The following IL1R1 variants were observed in gnomAD, a reference collection of about 807,000 sequenced individuals.
The protein encoded by IL1R1 is interleukin-1 receptor type 1.
IL1R1 carries 22 observed loss-of-function variants against 50.2 expected under a neutral mutation model. The observed-to-expected ratio is 0.44, with a 90% confidence interval of 0.31 to 0.63. The LOEUF is 0.63. Among genes scored for constraint, IL1R1 ranks in the 20% least tolerant of loss-of-function variants. The pLI, the probability that IL1R1 is intolerant of heterozygous loss-of-function variation, is 0.07. For synonymous variants in IL1R1, 251 were observed against 236.7 expected, an observed-to-expected ratio of 1.06 and a Z score of -0.55; for missense variants, 509 against 676.2, an observed-to-expected ratio of 0.75 and a Z score of 2.74.
chr2:102,085,657 T>A (rs1189059107), intron 1 of IL1R1, among the ~76,000 whole-genome samples: 1 of 152,016 alleles, frequency 6.6e-6, no homozygotes, highest in Admixed American at 6.6e-5. Flanking sequence ...GGTAAGTCTT[T>A]ACTATTCCTC....
chr2:102,157,853 C>G, intron 3 of IL1R1, 68 bp downstream of exon 3: 2 of 1,016,494 alleles, frequency 2.0e-6, no homozygotes, highest in South Asian at 1.3e-5. Flanking sequence ...CATGAAGTAC[C>G]TTCCCTAACA....
At chr2:102,105,690 C>A (rs1424778211) in intron 1 of IL1R1, among the ~76,000 whole-genome samples, 1 of 152,118 alleles carries the variant, frequency 6.6e-6, no homozygotes, top group Non-Finnish European at 1.5e-5. Flanking sequence ...TTAATGGCAG[C>A]CTCTATTGGT....
intron 1 of IL1R1, among the ~76,000 whole-genome samples, chr2:102,076,441 G>A (rs1678962725): frequency 6.6e-6 from 1 of 151,914 alleles, no homozygotes; most frequent in African/African-American, 2.4e-5. Context: ...GTTTCCATTT[G>A]GTATAATTTT....
At chr2:102,128,932 T>C (rs534864520) in intron 1 of IL1R1, among the ~76,000 whole-genome samples, 27 of 152,314 alleles carry the variant, frequency 1.8e-4, no homozygotes, top group African/African-American at 6.5e-4. Flanking sequence ...GCCAGTGTGG[T>C]GGCTCACTCC....
chr2:102,115,386 T>C (rs1681011505), intron 1 of IL1R1, among the ~76,000 whole-genome samples: 1 of 152,202 alleles, frequency 6.6e-6, no homozygotes, highest in African/African-American at 2.4e-5. Flanking sequence ...CTAGTAAGTG[T>C]GCTTTCAGTT....
At chr2:102,171,262 C>T (rs1360726228) in intron 7 of IL1R1, among the ~76,000 whole-genome samples, 2 of 152,102 alleles carry the variant, frequency 1.3e-5, no homozygotes, top group African/African-American at 4.8e-5. Context: ...TGGGGAAAAT[C>T]GTGCTCACAT....
chr2:102,096,682 T>C (rs1679916666), intron 1 of IL1R1, among the ~76,000 whole-genome samples: 1 of 152,062 alleles, frequency 6.6e-6, no homozygotes, highest in South Asian at 2.1e-4. Flanking sequence ...TTAAATGATG[T>C]CTTTTGGTGA....
At chr2:102,097,781 T>C (rs1395504399) in intron 1 of IL1R1, among the ~76,000 whole-genome samples, 1 of 152,024 alleles carries the variant, frequency 6.6e-6, no homozygotes, top group Non-Finnish European at 1.5e-5. Flanking sequence ...ATAAAGAAAA[T>C]AGTATAGTTT....
intron 1 of IL1R1, among the ~76,000 whole-genome samples, chr2:102,128,455 A>G (rs1252433824): frequency 6.6e-6 from 1 of 152,240 alleles, no homozygotes; most frequent in Non-Finnish European, 1.5e-5. Flanking sequence ...GGTAATGATC[A>G]TCTCTATCAT....
chr2:102,078,757 C>G (rs1181262913), intron 1 of IL1R1, among the ~76,000 whole-genome samples: 1 of 151,954 alleles, frequency 6.6e-6, no homozygotes, highest in Non-Finnish European at 1.5e-5. Flanking sequence ...TCAGTATTAC[C>G]CCGGTACCAA....
chr2:102,158,670 G>A (rs979389420), intron 3 of IL1R1, among the ~76,000 whole-genome samples: 5 of 152,206 alleles, frequency 3.3e-5, no homozygotes, highest in Non-Finnish European at 7.3e-5. Context: ...TGGGTAATGG[G>A]GGGATGGCAG....
intron 3 of IL1R1, among the ~76,000 whole-genome samples, chr2:102,163,855 C>T (rs1684939298): frequency 6.6e-6 from 1 of 152,148 alleles, no homozygotes; most frequent in South Asian, 2.1e-4. Context: ...TGTTCTGCCA[C>T]ATGATTGTTA....
chr2:102,128,906 C>T (rs1176054889), intron 1 of IL1R1, among the ~76,000 whole-genome samples: 1 of 152,104 alleles, frequency 6.6e-6, no homozygotes, highest in Non-Finnish European at 1.5e-5. Context: ...TTGCTGTCTA[C>T]AAAACAAGAG....
At chr2:102,165,901 A>G (rs1685142513) in intron 5 of IL1R1, among the ~76,000 whole-genome samples, 1 of 152,198 alleles carries the variant, frequency 6.6e-6, no homozygotes, top group Non-Finnish European at 1.5e-5. Context: ...TCATAGTACA[A>G]GTCTCATAGA....
At chr2:102,114,597 T>G (rs1680963464) in intron 1 of IL1R1, among the ~76,000 whole-genome samples, 2 of 152,216 alleles carry the variant, frequency 1.3e-5, no homozygotes. Context: ...GGTTACATTT[T>G]TGCTATTGTG....
Position 102,095,650 on chromosome 2 carries a change from A to T in IL1R1, c.-84+25117A>T, listed in dbSNP as rs139098100. On this transcript the variant is annotated intron_variant, in intron 1 of 11. Coordinates refer to the IL1R1 transcript ENST00000409929. ...AGAAATAGCTGCTCTTCTGAACGTC[A>T]GTGTTTCTGTAGTGTTAGCATTTAT... 3.6e-3 allele frequency among the ~76,000 whole-genome samples: 549 copies of T among 152,268 alleles called. 2 individuals are homozygous for T. The highest frequency in any genetic ancestry group is 5.4e-3 in the Non-Finnish European group (366 of 68,016).
intron 1 of IL1R1, among the ~76,000 whole-genome samples, chr2:102,097,685 A>G (rs1326771872): frequency 6.6e-6 from 1 of 152,112 alleles, no homozygotes; most frequent in African/African-American, 2.4e-5. Context: ...AAAATTGACT[A>G]AAGAAAAAAT....
intron 5 of IL1R1, 108 bp downstream of exon 5, chr2:102,165,412 C>CT: frequency 1.9e-6 from 1 of 536,572 alleles, no homozygotes. Flanking sequence ...ATTGTTTTCT[C>CT]TTTAATGGTG....
intron 1 of IL1R1, among the ~76,000 whole-genome samples, chr2:102,080,108 C>T (rs183246751): frequency 4.3e-4 from 65 of 152,174 alleles, no homozygotes; most frequent in Admixed American, 4.0e-3. Context: ...TAGAACTAAA[C>T]GTATGATCTA....
Sources: gnomAD v4.1 joint callset for allele counts (sites outside exome capture counted in the v4.1 genomes callset) on GRCh38, gnomAD v4.1.1 for gene constraint, MANE v1.5 for transcripts, NCBI Gene and HGNC (gene_info 2026-07-23, HGNC 2026-07-21) for gene names.